Variants in WDR70 observed in about 807,000 individuals in gnomAD.
The protein encoded by WDR70 is WD repeat domain 70.
A neutral mutation model predicts 88.6 loss-of-function variants in WDR70; 53 were observed. That is an observed-to-expected ratio of 0.60 (90% CI 0.48 to 0.75). WDR70 has a LOEUF of 0.75. WDR70 is among the 30% of genes least tolerant of loss of function. The pLI is 0.00. For synonymous variants in WDR70, 280 were observed against 270.0 expected, an observed-to-expected ratio of 1.04 and a Z score of -0.36; for missense variants, 610 against 823.2, an observed-to-expected ratio of 0.74 and a Z score of 3.17.
intron 8 of WDR70, chr5:37,506,588 C>T (rs1740567984): frequency 1.3e-6 from 1 of 775,342 alleles, no homozygotes; most frequent in Non-Finnish European, 2.4e-6. Context: ...TTAATGTTAG[C>T]CACTCTGTGT....
chr5:37,396,185 G>GT (rs34642822), intron 4 of WDR70, among the ~76,000 whole-genome samples, 190 bp from the exon 5 acceptor site: 130,686 of 151,908 alleles, frequency 0.86, 57,594 homozygotes, highest in East Asian at 1. Flanking sequence ...GCGTAAGACG[G>GT]TTTTTTTTAA....
intron 10 of WDR70, among the ~76,000 whole-genome samples, chr5:37,618,493 C>T (rs1351146007): frequency 1.3e-5 from 2 of 152,144 alleles, no homozygotes; most frequent in Admixed American, 1.3e-4. Context: ...CTCAGCCTCC[C>T]AAGGAGCTGG....
chr5:37,504,626 G>T (rs1740503801), intron 8 of WDR70, among the ~76,000 whole-genome samples: 2 of 152,184 alleles, frequency 1.3e-5, no homozygotes, highest in Admixed American at 1.3e-4. Flanking sequence ...ATAAAGCAAA[G>T]AAAATAATTC....
At chr5:37,551,928 T>C (rs1327209358) in intron 9 of WDR70, among the ~76,000 whole-genome samples, 2 of 151,690 alleles carry the variant, frequency 1.3e-5, no homozygotes, top group South Asian at 2.1e-4. Flanking sequence ...CCCACCACCA[T>C]GCCCGGCTAA....
intron 9 of WDR70, among the ~76,000 whole-genome samples, chr5:37,544,103 G>T (rs915345609): frequency 9.2e-5 from 14 of 152,126 alleles, no homozygotes; most frequent in African/African-American, 3.4e-4. Context: ...TATCTTTTCA[G>T]TGTATTTTAA....
chr5:37,406,931 G>A (rs748075950), intron 5 of WDR70, among the ~76,000 whole-genome samples: 4 of 152,088 alleles, frequency 2.6e-5, no homozygotes, highest in Non-Finnish European at 5.9e-5. Context: ...AGGAAGAGGT[G>A]GGAATATTGG....
rs369168557 is a variant in WDR70 at position 37,703,415 on chromosome 5, A to G, written c.1416+328A>G. Among the ~76,000 whole-genome samples, 46 of 152,320 alleles carry G rather than the reference A, an allele frequency of 3.0e-4. 2 individuals carry two copies. In the South Asian group the frequency reaches 9.3e-3, roughly 31 times the overall value. On this transcript the variant is annotated intron_variant, in intron 13 of 17. Transcript: ENST00000265107. ...TCCCACAATGGGCATGTTTGTGAGG[A>G]TCTAGGGATTGTCGACAGAAGTGAA...
chr5:37,732,371 A>C (rs989790709), intron 17 of WDR70, among the ~76,000 whole-genome samples: 1 of 152,102 alleles, frequency 6.6e-6, no homozygotes, highest in East Asian at 1.9e-4. Flanking sequence ...TTATGTACCT[A>C]TTCAATTGTA....
chr5:37,623,296 A>T (rs1415533427), intron 10 of WDR70, among the ~76,000 whole-genome samples: 2 of 152,116 alleles, frequency 1.3e-5, no homozygotes, highest in African/African-American at 4.8e-5. Flanking sequence ...AGAGTCCTTT[A>T]TAACTGAATT....
At chr5:37,669,832 T>C (rs1745969557) in intron 10 of WDR70, among the ~76,000 whole-genome samples, 1 of 152,192 alleles carries the variant, frequency 6.6e-6, no homozygotes, top group Non-Finnish European at 1.5e-5. Context: ...GAAATATTAT[T>C]TGGCAATAAA....
chr5:37,435,038 T>A (rs1415056395), intron 5 of WDR70, among the ~76,000 whole-genome samples: 1 of 152,334 alleles, frequency 6.6e-6, no homozygotes, highest in East Asian at 1.9e-4. Flanking sequence ...TATATGGGAT[T>A]TTTATGAGTT....
chr5:37,633,304 G>T (rs1399572142), intron 10 of WDR70, among the ~76,000 whole-genome samples: 1 of 151,966 alleles, frequency 6.6e-6, no homozygotes, highest in Non-Finnish European at 1.5e-5. Flanking sequence ...TTTTATATCT[G>T]TTTCCCTTAA....
chr5:37,455,336 C>G (rs1487676866), intron 7 of WDR70, among the ~76,000 whole-genome samples: 1 of 151,434 alleles, frequency 6.6e-6, no homozygotes, highest in South Asian at 2.1e-4. Flanking sequence ...CCTCTGCCTC[C>G]CAGGTTCAAG....
intron 8 of WDR70, among the ~76,000 whole-genome samples, chr5:37,497,737 G>A (rs1740274364): frequency 6.6e-6 from 1 of 151,924 alleles, no homozygotes; most frequent in Admixed American, 6.6e-5. Context: ...AGAGATTAAT[G>A]GGACCCTTAG....
intron 5 of WDR70, among the ~76,000 whole-genome samples, chr5:37,397,568 T>C (rs1049072758): frequency 2.6e-5 from 4 of 152,214 alleles, no homozygotes; most frequent in African/African-American, 7.2e-5. Flanking sequence ...CTAAAATTAT[T>C]GTCAACAATG....
intron 5 of WDR70, among the ~76,000 whole-genome samples, chr5:37,422,259 C>T (rs2111994578): frequency 6.6e-6 from 1 of 151,054 alleles, no homozygotes; most frequent in South Asian, 2.1e-4. Context: ...TTACCTGAAA[C>T]AGTAGTCAAA....
intron 5 of WDR70, among the ~76,000 whole-genome samples, chr5:37,416,886 T>C (rs1749773346): frequency 6.6e-6 from 1 of 152,142 alleles, no homozygotes; most frequent in Admixed American, 6.5e-5. Context: ...CAGTTACTCT[T>C]TAGAAGCTGA....
At chr5:37,555,834 T>G (rs1334136286) in intron 9 of WDR70, among the ~76,000 whole-genome samples, 2 of 152,308 alleles carry the variant, frequency 1.3e-5, no homozygotes, top group Non-Finnish European at 1.5e-5. Context: ...TTCTCCTGCC[T>G]CAGCGTCCCG....
At chr5:37,613,246 A>C (rs900990268) in intron 10 of WDR70, among the ~76,000 whole-genome samples, 1 of 152,224 alleles carries the variant, frequency 6.6e-6, no homozygotes, top group South Asian at 2.1e-4. Context: ...CAGTTAAAAC[A>C]TGGTAGGTTA....
Sources: allele counts gnomAD v4.1 joint callset (sites outside exome capture counted in the v4.1 genomes callset), GRCh38; gene constraint gnomAD v4.1.1; transcripts MANE v1.5; gene names NCBI Gene and HGNC (gene_info 2026-07-23, HGNC 2026-07-21).